The following ITGAX variants were observed in gnomAD, a reference collection of about 807,000 sequenced individuals.
ITGAX encodes the protein integrin alpha-X.
Under a neutral mutation model 140.2 loss-of-function variants are expected in ITGAX, and 99 were observed. The ratio of observed to expected loss-of-function variants is 0.71; its 90% CI spans 0.60 to 0.83. ITGAX has a LOEUF of 0.83. Among genes scored for constraint, ITGAX ranks in the 40% least tolerant of loss-of-function variants. ITGAX has a pLI of 0.00. For synonymous variants in ITGAX, 631 were observed against 600.4 expected (o/e 1.05, Z -0.75); for missense variants, 1,444 against 1,482.0 (o/e 0.97, Z 0.42).
At chr16:31,376,295 G>A (rs1419638185) in intron 20 of ITGAX, among the ~76,000 whole-genome samples, 1 of 152,164 alleles carries the variant, frequency 6.6e-6, no homozygotes, top group Non-Finnish European at 1.5e-5. Context: ...TTGGAAGAAA[G>A]TTTGACCAGA....
chr16:31,367,133 C>T lies in ITGAX; in HGVS notation c.1710+3759C>T, dbSNP rs1006117886. Among the ~76,000 whole-genome samples the T allele has an allele frequency of 1.1e-4, 17 of 152,172 alleles. No individual in the cohort carries two copies. In the East Asian group the frequency reaches 1.2e-3, roughly 10 times the overall value. ...CTTCAGTTCTATGAAGGCTGAGAGA[C>T]GTGAGGAAGCTTCAGAAGAAAAATT... On this transcript the variant is annotated intron_variant, in intron 14 of 29. Coordinates refer to ENST00000268296, the MANE Select transcript of ITGAX (RefSeq NM_000887.5).
intron 23 of ITGAX, among the ~76,000 whole-genome samples, chr16:31,377,617 G>A (rs578059011): frequency 2.6e-5 from 4 of 152,304 alleles, no homozygotes; most frequent in South Asian, 4.1e-4. Flanking sequence ...ACCTGCATGC[G>A]TGGAGGCTCC....
rs2080812252 is a variant in ITGAX at position 31,360,472 on chromosome 16, T to G, written c.861+9T>G. On this transcript the variant is annotated intron_variant, in intron 8 of 29. Transcript: ENST00000268296. ...TCCGCTATGCAATTGGGGTAGGGCG[T>G]GGGATGGCTTCCCACTTCTCCCACG... is the stretch of plus-strand genomic sequence containing the variant. 1.3e-6 allele frequency: 2 copies of G among 1,594,704 alleles called. No homozygotes were observed. Among genetic ancestry groups the G allele is most frequent in the East Asian group, 4.5e-5 (2 of 44,642 alleles).
chr16:31,365,709 G>C (rs944107599), intron 14 of ITGAX, among the ~76,000 whole-genome samples: 3 of 152,204 alleles, frequency 2.0e-5, no homozygotes, highest in Admixed American at 1.3e-4. Flanking sequence ...GATCACTTGA[G>C]GTCAGGAGTT....
At position 31,367,326 on chromosome 16, in the gene ITGAX, G is replaced by A. The variant is rs186672792; in HGVS notation, c.1711-3758G>A. Among the ~76,000 whole-genome samples the A allele has an allele frequency of 7.9e-5, 12 of 152,388 alleles. No homozygotes were observed. In the East Asian group the frequency reaches 1.9e-3, roughly 24 times the overall value. ...GGCTACACTCAACAACAGGTTTTCA[G>A]TGTAGATGAGATGGCCTTCGATGGA... On this transcript the variant is annotated intron_variant, in intron 14 of 29. Coordinates refer to ENST00000268296, the MANE Select transcript of ITGAX (RefSeq NM_000887.5).
At chr16:31,372,168 G>GA (rs112597435) in intron 17 of ITGAX, among the ~76,000 whole-genome samples, 1 of 151,600 alleles carries the variant, frequency 6.6e-6, no homozygotes, top group African/African-American at 2.4e-5. Flanking sequence ...GGAGGTCTGG[G>GA]GGGGGGGAGG....
At chr16:31,373,034 A>G (rs1028710550) in intron 19 of ITGAX, among the ~76,000 whole-genome samples, 2 of 152,066 alleles carry the variant, frequency 1.3e-5, no homozygotes, top group African/African-American at 4.8e-5. Context: ...TGGAGGCTGC[A>G]GTGAGCCATA....
intron 17 of ITGAX, 110 bp downstream of exon 17, chr16:31,371,894 A>G: frequency 7.6e-7 from 1 of 1,318,772 alleles, no homozygotes; most frequent in South Asian, 1.4e-5. Context: ...CCAGCACAGG[A>G]CCAGCCATGC....
intron 14 of ITGAX, among the ~76,000 whole-genome samples, chr16:31,366,043 C>T (rs1251680841): frequency 3.3e-5 from 5 of 152,224 alleles, no homozygotes; most frequent in Non-Finnish European, 5.9e-5. Flanking sequence ...GCAAACAGTT[C>T]GTACCAATTC....
In ITGAX at chr16:31,355,225, G is replaced by A. The variant is rs1276877443; in HGVS notation, c.-30G>A. 1.2e-6 allele frequency: 2 copies of A among 1,613,514 alleles called. No homozygotes were observed. The highest frequency in any genetic ancestry group is 1.7e-6 in the Non-Finnish European group (2 of 1,179,818). ...CAGCTCTTCCTGCAACGGCCCAGGA[G>A]CTCAGAGCTCCACATCTGACCTTCT... On this transcript the variant is annotated 5_prime_UTR_variant, in exon 1 of 30. Coordinates refer to ENST00000268296, the MANE Select transcript of ITGAX (RefSeq NM_000887.5).
Position 31,379,865 on chromosome 16 carries a change from G to C in ITGAX, c.2976+1G>C. 1 of 1,613,882 alleles carries C rather than the reference G, an allele frequency of 6.2e-7. No individual in the cohort carries two copies. The highest frequency in any genetic ancestry group is 8.5e-7 in the Non-Finnish European group (1 of 1,179,832). On this transcript the variant is annotated splice_donor_variant, in intron 25 of 29. Coordinates refer to ENST00000268296, the MANE Select transcript of ITGAX (RefSeq NM_000887.5). LOFTEE classifies it high-confidence loss of function. ...GGATGTGGAGGTCTCCCACCCCCAG[G>C]TACCCAAGGACTGCATGTGGCTCCT...
intron 16 of ITGAX, 27 bp from the exon 17 acceptor site, chr16:31,371,603 C>G (rs762872816): frequency 3.1e-6 from 5 of 1,613,328 alleles, no homozygotes. Context: ...GTTCCTGTCT[C>G]AACGCCGTCC....
At chr16:31,361,464 G>C in intron 9 of ITGAX, 1 of 672,162 alleles carries the variant, frequency 1.5e-6, no homozygotes, top group South Asian at 1.8e-5. Context: ...CTCCACTGCA[G>C]AACAAAAAGC....
intron 14 of ITGAX, among the ~76,000 whole-genome samples, chr16:31,368,470 C>G (rs1449514098): frequency 6.3e-5 from 9 of 143,368 alleles, no homozygotes; most frequent in Admixed American, 2.9e-4. Flanking sequence ...TGCACTCTAG[C>G]CTGGGCGACA....
Position 31,376,928 on chromosome 16 carries a change from T to C in ITGAX, c.2625+13T>C. On this transcript the variant is annotated intron_variant, in intron 21 of 29. Transcript: ENST00000268296. Reference sequence around the variant, plus strand: ...TGGCGGCGCCCAGGTCAGCCTGGCTTCTGTCCCCTCACTGCTCCCCTGCCC... The same window carrying C: ...TGGCGGCGCCCAGGTCAGCCTGGCTCCTGTCCCCTCACTGCTCCCCTGCCC... The C allele has an allele frequency of 6.2e-7, 1 of 1,614,062 alleles. No homozygotes were observed. The highest frequency in any genetic ancestry group is 8.5e-7 in the Non-Finnish European group (1 of 1,179,918).
chr16:31,365,041 G>T lies in ITGAX; in HGVS notation c.1710+1667G>T, dbSNP rs1335400762. The stretch of plus-strand genomic sequence containing the variant: ...TCTCGAACAAACAAACAAACAAAAA[G>T]TTAAACATAGAGTTGCCATGTGATC... On this transcript the variant is annotated intron_variant, in intron 14 of 29. Transcript: ENST00000268296. Among the ~76,000 whole-genome samples, 3 of 144,052 alleles carry T rather than the reference G, an allele frequency of 2.1e-5. No homozygotes were observed. The East Asian group carries it at 7.3e-4, about 35-fold the overall frequency. The allele number at this position is 144,052 out of a possible 152,430, so 94.5% of individuals were successfully genotyped here.
chr16:31,377,555 G>T (rs148573568), intron 23 of ITGAX, among the ~76,000 whole-genome samples: 11 of 152,344 alleles, frequency 7.2e-5, no homozygotes, highest in African/African-American at 2.6e-4. Flanking sequence ...CCCTTGTGGG[G>T]TGTGCCTTGC....
chr16:31,366,231 A>G lies in ITGAX; in HGVS notation c.1710+2857A>G, dbSNP rs1171948540. Among the ~76,000 whole-genome samples, 7 of 152,304 alleles carry G rather than the reference A, an allele frequency of 4.6e-5. No individual in the cohort carries two copies. The East Asian group carries it at 1.2e-3, about 25-fold the overall frequency. The stretch of plus-strand genomic sequence containing the variant: ...CTTTGGTAATTCTCACAATGTTTCA[A>G]ACTTTTTTGTAATTATCATGTCTGT... On this transcript the variant is annotated intron_variant, in intron 14 of 29. Transcript: ENST00000268296.
chr16:31,382,025 G>T lies in ITGAX; in HGVS notation c.*118G>T. On this transcript the variant is annotated 3_prime_UTR_variant, in exon 30 of 30. Coordinates refer to ENST00000268296, the MANE Select transcript of ITGAX (RefSeq NM_000887.5). ...CACCGAGAGAGGCTGGGATGGGCCT[G>T]CTTCCTGTCTTTGGGAGAAAACGTC... is the stretch of plus-strand genomic sequence containing the variant. The T allele has an allele frequency of 7.5e-6, 11 of 1,459,982 alleles. No homozygotes were observed. The highest frequency in any genetic ancestry group is 9.9e-6 in the Non-Finnish European group (11 of 1,110,464). 90.4% of individuals were successfully genotyped at this position (1,459,982 alleles called of 1,614,324 possible).
Sources: gnomAD v4.1 joint callset for allele counts (sites outside exome capture counted in the v4.1 genomes callset) on GRCh38, gnomAD v4.1.1 for gene constraint, MANE v1.5 for transcripts, NCBI Gene and HGNC (gene_info 2026-07-23, HGNC 2026-07-21) for gene names.